FNBP1: variants seen among roughly 807,000 people sequenced by gnomAD.
FNBP1 encodes the protein formin-binding protein 1.
In FNBP1, 26 loss-of-function variants were observed where a neutral mutation model predicts 90.6. That is an observed-to-expected ratio of 0.29 (90% CI 0.21 to 0.40). The LOEUF (loss-of-function observed/expected upper bound fraction) is 0.40, where lower values mean the gene tolerates loss of function less well. Ranked by LOEUF, FNBP1 falls within the 10% of genes least tolerant of loss-of-function variation. The pLI is 1.00. For synonymous variants in FNBP1, 260 were observed against 265.2 expected, an observed-to-expected ratio of 0.98 and a Z score of 0.19; for missense variants, 635 against 768.0, an observed-to-expected ratio of 0.83 and a Z score of 2.05.
At chr9:129,958,072 A>G (rs1238918331) in intron 5 of FNBP1, among the ~76,000 whole-genome samples, 1 of 152,206 alleles carries the variant, frequency 6.6e-6, no homozygotes, top group Non-Finnish European at 1.5e-5. Flanking sequence ...TAGTGTTTTT[A>G]TGTGCATGTT....
At chr9:130,007,243 AAAAAAAAAAAAAAAG>A (rs2055868453) in intron 1 of FNBP1, among the ~76,000 whole-genome samples, 1 of 148,352 alleles carries the variant, frequency 6.7e-6, no homozygotes, top group African/African-American at 2.6e-5. Context: ...TCCTGTCAAA[AAAAAAAAAAAAAAAG>A]AAAAAAAAAA....
upstream of FNBP1, among the ~76,000 whole-genome samples, chr9:130,043,442 GTC>G (rs1245305688): frequency 6.6e-6 from 1 of 152,258 alleles, no homozygotes; most frequent in Non-Finnish European, 1.5e-5. Context: ...AGTGACCACT[GTC>G]TGCTCGCAGT....
At chr9:130,039,206 T>C (rs1160563862) in intron 1 of FNBP1, among the ~76,000 whole-genome samples, 1 of 152,210 alleles carries the variant, frequency 6.6e-6, no homozygotes, top group Non-Finnish European at 1.5e-5. Flanking sequence ...TTTCTATGCT[T>C]CCACGTAGAT....
chr9:130,038,397 CTCT>C (rs1170177982), intron 1 of FNBP1, among the ~76,000 whole-genome samples: 3 of 133,838 alleles, frequency 2.2e-5, no homozygotes, highest in Non-Finnish European at 4.8e-5. Context: ...ACACAGGTGG[CTCT>C]TTTTTTTTTT....
At chr9:129,949,650 C>T (rs181562063) in intron 6 of FNBP1, among the ~76,000 whole-genome samples, 1 of 151,150 alleles carries the variant, frequency 6.6e-6, no homozygotes, top group East Asian at 1.9e-4. Context: ...AGCTTGAGCC[C>T]AAGAGTCTGA....
intron 6 of FNBP1, among the ~76,000 whole-genome samples, chr9:129,953,777 G>C (rs1273077986): frequency 6.6e-6 from 1 of 151,440 alleles, no homozygotes; most frequent in Admixed American, 6.6e-5. Flanking sequence ...TTTTTAAAAG[G>C]GTAATGGAAT....
intron 4 of FNBP1, among the ~76,000 whole-genome samples, chr9:129,965,694 A>ACG (rs765582659): frequency 3.3e-5 from 4 of 119,464 alleles, no homozygotes; most frequent in Admixed American, 9.0e-5. Flanking sequence ...ACACACACAC[A>ACG]CACGCGCGCG....
intron 7 of FNBP1, among the ~76,000 whole-genome samples, chr9:129,928,697 A>T (rs1220146955): frequency 6.6e-6 from 1 of 152,036 alleles, no homozygotes; most frequent in East Asian, 1.9e-4. Flanking sequence ...AAGAAAAAAG[A>T]CTGACAAATA....
chr9:129,914,756 T>TG (rs1491521020), intron 11 of FNBP1, among the ~76,000 whole-genome samples: 1 of 16,054 alleles, frequency 6.2e-5, no homozygotes, highest in Non-Finnish European at 1.4e-4. Context: ...CATACATATG[T>TG]CTATATATAT....
intron 11 of FNBP1, among the ~76,000 whole-genome samples, chr9:129,914,757 CTATATATA>C (rs756342214): frequency 0.035 from 3,856 of 109,932 alleles, 157 homozygotes; most frequent in African/African-American, 0.093. Context: ...ATACATATGT[CTATATATA>C]TATATATATA....
rs962236645 is a variant in FNBP1, at chr9:129,889,901, G to T, written c.*638C>A. ...GTGTGTACTGGTGGGTGTGCCTGTG[G>T]GTGTGTGTGTACCTGCCCCCCTGCC... On this transcript the variant is annotated 3_prime_UTR_variant, in exon 17 of 17. Transcript: ENST00000446176. The T allele has an allele frequency of 1.7e-5, 4 of 235,506 alleles. No homozygotes were observed. Among genetic ancestry groups the T allele is most frequent in the Non-Finnish European group, 2.5e-5 (3 of 119,496 alleles). The allele number at this position is 235,506 out of a possible 1,614,324, so 14.6% of individuals were successfully genotyped here.
chr9:129,895,632 TGAAACTTGATTACAGCCCAAA>T, intron 16 of FNBP1, 185 bp downstream of exon 16: 1 of 1,239,460 alleles, frequency 8.1e-7, no homozygotes, highest in Non-Finnish European at 1.0e-6. Flanking sequence ...CATCAGCAAG[TGAAACTTGATTACAGCCCAAA>T]CTAGACAAGG....
At chr9:129,999,964 G>A (rs1488533659) in intron 1 of FNBP1, among the ~76,000 whole-genome samples, 1 of 152,148 alleles carries the variant, frequency 6.6e-6, no homozygotes, top group African/African-American at 2.4e-5. Flanking sequence ...TACGTAGCTA[G>A]AAAACAAAGG....
At chr9:129,974,221 A>C (rs184237383) in intron 4 of FNBP1, among the ~76,000 whole-genome samples, 212 of 152,144 alleles carry the variant, frequency 1.4e-3, no homozygotes, top group African/African-American at 4.7e-3. Flanking sequence ...TGGAAAAAAA[A>C]CCATGCCTAC....
rs1322193913 is a variant in FNBP1, at chr9:130,011,269, A to ATATATATATATAT, written c.25-16312_25-16311insATATATATATATA. Among the ~76,000 whole-genome samples the ATATATATATATAT allele has an allele frequency of 3.4e-4, 12 of 34,854 alleles. 1 individual carries two copies. Among genetic ancestry groups the ATATATATATATAT allele is most frequent in the African/African-American group, 4.5e-4 (4 of 8,988 alleles). 22.9% of individuals were successfully genotyped at this position (34,854 alleles called of 152,430 possible). ...ATATATATATATATATATATATATA[A>ATATATATATATAT]AATATATATAACATTATTACTTATA... On this transcript the variant is annotated intron_variant, in intron 1 of 16. Transcript: ENST00000446176.
At chr9:129,986,321 T>C (rs760039682) in intron 2 of FNBP1, among the ~76,000 whole-genome samples, 76 of 151,318 alleles carry the variant, frequency 5.0e-4, no homozygotes, top group Admixed American at 3.2e-3. Flanking sequence ...AAATCAAGAA[T>C]CCCAATACTA....
intron 6 of FNBP1, among the ~76,000 whole-genome samples, chr9:129,956,974 T>G (rs1330537628): frequency 6.6e-6 from 1 of 151,900 alleles, no homozygotes; most frequent in Admixed American, 6.6e-5. Context: ...AAATGAGAAC[T>G]TGGGGATGGG....
At position 129,925,068 on chromosome 9, in the gene FNBP1, G is replaced by C. The variant is rs760122576; in HGVS notation, c.879C>G (p.Arg293=). ...TTGAAAGGCTGTTATCTGACACAGT[G>C]CGCTTCATTGGCTGAGTGTAATCCT... ...EFEDYTQPMK[R]TVSDNSLSNS... is the part of the protein sequence containing the mutation. Residue 293 remains arginine, a synonymous_variant, in exon 9 of 17, where the codon CGC becomes CGG. Transcript: ENST00000446176. 1 of 1,613,894 alleles carries C rather than the reference G, an allele frequency of 6.2e-7. No individual in the cohort carries two copies. The highest frequency in any genetic ancestry group is 8.5e-7 in the Non-Finnish European group (1 of 1,179,814).
chr9:130,024,444 T>G (rs60762342), intron 1 of FNBP1, among the ~76,000 whole-genome samples: 1,786 of 152,208 alleles, frequency 0.012, 35 homozygotes, highest in African/African-American at 0.041. Context: ...TGTCTCAGAC[T>G]ATTGCACATT....
Sources: gnomAD v4.1 joint callset for allele counts (sites outside exome capture counted in the v4.1 genomes callset) on GRCh38, gnomAD v4.1.1 for gene constraint, MANE v1.5 for transcripts, NCBI Gene and HGNC (gene_info 2026-07-23, HGNC 2026-07-21) for gene names.